SHISA9: variants seen among roughly 807,000 people sequenced by gnomAD.
SHISA9 encodes shisa family member 9.
In SHISA9, 13 loss-of-function variants were observed where a neutral mutation model predicts 38.0. That is an observed-to-expected ratio of 0.34 (90% CI 0.22 to 0.54). The LOEUF (loss-of-function observed/expected upper bound fraction) is 0.54, where lower values mean the gene tolerates loss of function less well. SHISA9 is among the 20% of genes least tolerant of loss of function. The pLI, the probability that SHISA9 is intolerant of heterozygous loss-of-function variation, is 0.91. For synonymous variants in SHISA9, 275 were observed against 242.0 expected (o/e 1.14, Z -1.27); for missense variants, 538 against 575.8 (o/e 0.93, Z 0.67).
At chr16:13,000,840 ATTTCAGAAATAAAGCT>A (rs1305604654) in intron 2 of SHISA9, among the ~76,000 whole-genome samples, 4 of 152,204 alleles carry the variant, frequency 2.6e-5, no homozygotes, top group Non-Finnish European at 5.9e-5. Context: ...AGAGGCTACA[ATTTCAGAAATAAAGCT>A]TTTTCCTGGA....
chr16:13,347,920 G>T, the SHISA9 span, among the ~76,000 whole-genome samples: 2 of 152,164 alleles, frequency 1.3e-5, no homozygotes, highest in Admixed American at 1.3e-4. Context: ...AATTAGGATT[G>T]CAGATGGAAT....
At chr16:13,015,547 T>C (rs1245704844) in intron 2 of SHISA9, among the ~76,000 whole-genome samples, 1 of 152,220 alleles carries the variant, frequency 6.6e-6, no homozygotes, top group African/African-American at 2.4e-5. Context: ...AAACTAAATA[T>C]ATTTTTACCC....
At chr16:13,343,527 T>G in the SHISA9 span, among the ~76,000 whole-genome samples, 3 of 152,096 alleles carry the variant, frequency 2.0e-5, no homozygotes, top group Admixed American at 6.6e-5. Flanking sequence ...TAAAGCATAT[T>G]CCATGAAGTG....
chr16:13,395,936 A>G, the SHISA9 span, among the ~76,000 whole-genome samples: 1 of 152,218 alleles, frequency 6.6e-6, no homozygotes, highest in Admixed American at 6.5e-5. Flanking sequence ...CAAAGGTAGG[A>G]GCAGAGCTAG....
At chr16:13,044,604 C>T (rs372778282) in intron 2 of SHISA9, among the ~76,000 whole-genome samples, 6 of 152,162 alleles carry the variant, frequency 3.9e-5, no homozygotes, top group South Asian at 4.1e-4. Context: ...GAGGAAGCAC[C>T]GTGGGGCTCA....
chr16:12,976,316 C>T (rs1421405437), intron 2 of SHISA9, among the ~76,000 whole-genome samples: 2 of 152,144 alleles, frequency 1.3e-5, no homozygotes, highest in East Asian at 3.9e-4. Context: ...ATCTTGAGCT[C>T]CTGGCCTCAA....
chr16:13,561,496 C>T, the SHISA9 span, among the ~76,000 whole-genome samples: 3 of 152,194 alleles, frequency 2.0e-5, no homozygotes, highest in Non-Finnish European at 4.4e-5. Flanking sequence ...CTCCATGTTC[C>T]GTTGATAGCT....
intron 2 of SHISA9, among the ~76,000 whole-genome samples, chr16:13,027,837 G>A (rs1472573658): frequency 4.3e-5 from 6 of 141,150 alleles, no homozygotes; most frequent in African/African-American, 1.6e-4. Context: ...TTAGACAGTA[G>A]AATCACTTGA....
chr16:13,133,075 T>C (rs1453952758), intron 2 of SHISA9, among the ~76,000 whole-genome samples: 1 of 152,190 alleles, frequency 6.6e-6, no homozygotes, highest in Non-Finnish European at 1.5e-5. Context: ...GAATGAGATA[T>C]TGCCTCTACA....
chr16:13,454,196 G>A, the SHISA9 span, among the ~76,000 whole-genome samples: 1 of 152,204 alleles, frequency 6.6e-6, no homozygotes, highest in African/African-American at 2.4e-5. Flanking sequence ...TTGACCTTTT[G>A]AGAATCATTG....
intron 2 of SHISA9, among the ~76,000 whole-genome samples, chr16:12,986,271 G>A (rs191068265): frequency 2.0e-5 from 3 of 152,246 alleles, no homozygotes; most frequent in Non-Finnish European, 4.4e-5. Context: ...CACAGGGAAA[G>A]GGTCTCCCTC....
chr16:13,325,857 C>T, the SHISA9 span, among the ~76,000 whole-genome samples: 1 of 150,356 alleles, frequency 6.7e-6, no homozygotes, highest in Non-Finnish European at 1.5e-5. Context: ...AGTGAGAACA[C>T]ATGGACACAG....
At chr16:13,125,145 A>G (rs988818381) in intron 2 of SHISA9, among the ~76,000 whole-genome samples, 3 of 152,258 alleles carry the variant, frequency 2.0e-5, no homozygotes, top group Non-Finnish European at 4.4e-5. Flanking sequence ...AAGCTTCTGC[A>G]TAACAAAGGA....
At chr16:13,458,321 C>G in the SHISA9 span, 1 of 272,108 alleles carries the variant, frequency 3.7e-6, no homozygotes, top group South Asian at 3.7e-5. Flanking sequence ...ATTATTGAGA[C>G]TCCACAGGAT....
rs1567259945 is a variant in SHISA9, at chr16:13,235,174, G to T, written c.1040G>T (p.Gly347Val). Residue 347 changes from glycine (G) to valine (V), a missense_variant, in exon 5 of 5, where the codon GGA becomes GTA. This residue lies in a region of SHISA9 where 326 missense variants were observed against 305.9 expected (regional missense o/e 1.07). Transcript: ENST00000558583. ...GAGCACGGTCCTGCCAAGCAGAATG[G>T]ACAGAAGTCCCGCACCAACAAGATG... ...SPEHGPAKQN[G>V]QKSRTNKMPP... The T allele has an allele frequency of 2.6e-6, 4 of 1,551,728 alleles. No individual in the cohort carries two copies. The highest frequency in any genetic ancestry group is 2.6e-6 in the Non-Finnish European group (3 of 1,147,016).
rs1354979744 is a variant in SHISA9, at chr16:13,236,692, C to T, written c.*1283C>T. 6.6e-6 allele frequency: 1 copy of T among 152,150 alleles called. No individual in the cohort carries two copies. The highest frequency in any genetic ancestry group is 2.4e-5 in the African/African-American group (1 of 41,420). The allele number at this position is 152,150 out of a possible 1,614,324, so 9.4% of individuals were successfully genotyped here. On this transcript the variant is annotated 3_prime_UTR_variant, in exon 5 of 5. Transcript: ENST00000558583. ...CATCCTTCCTTTGTAGGTGAGCCCA[C>T]CCCATAACACCCTCTGAGGGGCTGC... is the stretch of plus-strand genomic sequence containing the variant.
chr16:13,178,012 T>C (rs2050746174), intron 2 of SHISA9, among the ~76,000 whole-genome samples: 1 of 152,314 alleles, frequency 6.6e-6, no homozygotes, highest in Non-Finnish European at 1.5e-5. Flanking sequence ...CCTGGAATGA[T>C]GCTTTGCACA....
chr16:12,964,690 A>C (rs2071955267), intron 2 of SHISA9, among the ~76,000 whole-genome samples: 1 of 152,112 alleles, frequency 6.6e-6, no homozygotes, highest in Admixed American at 6.6e-5. Context: ...TTTGTAGAGT[A>C]CAGAGGAGCA....
At chr16:13,003,337 C>T (rs2072549680) in intron 2 of SHISA9, among the ~76,000 whole-genome samples, 1 of 152,172 alleles carries the variant, frequency 6.6e-6, no homozygotes, top group African/African-American at 2.4e-5. Context: ...ATGGCCAAGT[C>T]CAGATTTAGA....
Sources: gnomAD v4.1 joint callset for allele counts (sites outside exome capture counted in the v4.1 genomes callset) on GRCh38, gnomAD v4.1.1 for gene constraint, gnomAD v4.1.1 regional missense constraint, MANE v1.5 for transcripts, NCBI Gene and HGNC (gene_info 2026-07-23, HGNC 2026-07-21) for gene names.